Variants in NHSL1 observed in about 807,000 individuals in gnomAD.
The protein encoded by NHSL1 is NHS-like protein 1.
Under a neutral mutation model 95.0 loss-of-function variants are expected in NHSL1, and 48 were observed. That is an observed-to-expected ratio of 0.51 (90% CI 0.40 to 0.64). The LOEUF is 0.64. Ranked by LOEUF, NHSL1 falls within the 30% of genes least tolerant of loss-of-function variation. The pLI is 0.00. For missense variants in NHSL1, 1,971 were observed against 2,077.7 expected (o/e 0.95, Z 1.00); for synonymous variants, 783 against 833.9 (o/e 0.94, Z 1.05).
chr6:138,562,835 G>A (rs1165346671), intron 1 of NHSL1, among the ~76,000 whole-genome samples: 1 of 151,938 alleles, frequency 6.6e-6, no homozygotes, highest in Non-Finnish European at 1.5e-5. Context: ...GCCATAACCA[G>A]AGCAGGTTCC....
At chr6:138,691,951 T>C in intron 1 of NHSL1, 1 of 456,736 alleles carries the variant, frequency 2.2e-6, no homozygotes, top group African/African-American at 2.0e-5. Flanking sequence ...ATAGTTTTGC[T>C]TGTCGGTAAG....
chr6:138,630,289 C>T (rs1398213070), intron 1 of NHSL1, among the ~76,000 whole-genome samples: 1 of 152,038 alleles, frequency 6.6e-6, no homozygotes, highest in Non-Finnish European at 1.5e-5. Flanking sequence ...TCAAAACCAC[C>T]TTTGAATGAA....
intron 1 of NHSL1, among the ~76,000 whole-genome samples, chr6:138,610,702 GGC>G (rs1263307923): frequency 2.6e-5 from 4 of 151,874 alleles, no homozygotes; most frequent in African/African-American, 9.7e-5. Context: ...CTAGACCTGG[GGC>G]AATTGTCCAC....
chr6:138,538,245 G>A (rs1782439313), intron 1 of NHSL1, among the ~76,000 whole-genome samples: 1 of 152,174 alleles, frequency 6.6e-6, no homozygotes, highest in African/African-American at 2.4e-5. Flanking sequence ...GTGCAAATCT[G>A]TAGGAGATGG....
chr6:138,663,932 A>T (rs1266630109), intron 1 of NHSL1, among the ~76,000 whole-genome samples: 2 of 152,246 alleles, frequency 1.3e-5, no homozygotes, highest in Non-Finnish European at 2.9e-5. Flanking sequence ...ACCACAGATA[A>T]TGAGGTTACA....
intron 1 of NHSL1, among the ~76,000 whole-genome samples, chr6:138,669,459 A>C (rs1356088722): frequency 6.6e-6 from 1 of 152,182 alleles, no homozygotes; most frequent in African/African-American, 2.4e-5. Flanking sequence ...GGTAATAAGG[A>C]CTTCTGGAAG....
chr6:138,583,571 A>G (rs1241934605), intron 1 of NHSL1, among the ~76,000 whole-genome samples: 2 of 152,082 alleles, frequency 1.3e-5, no homozygotes, highest in Admixed American at 1.3e-4. Flanking sequence ...CAGACTGTAA[A>G]CCACCCAAGA....
chr6:138,662,127 A>G (rs1785235684), intron 1 of NHSL1, among the ~76,000 whole-genome samples: 1 of 147,176 alleles, frequency 6.8e-6, no homozygotes, highest in Admixed American at 7.0e-5. Flanking sequence ...ATTTAATTCT[A>G]GAGTAAGCTT....
chr6:138,546,427 C>CAAAAAAAAAAAAAAAAAAAAAAA (rs1177720465), upstream of NHSL1, among the ~76,000 whole-genome samples: 2 of 50,918 alleles, frequency 3.9e-5, no homozygotes, highest in African/African-American at 1.3e-4. Flanking sequence ...CCCATCTCTA[C>CAAAAAAAAAAAAAAAAAAAAAAA]AAAAAAAAAA....
chr6:138,690,869 T>C (rs907593120), intron 1 of NHSL1, among the ~76,000 whole-genome samples: 6 of 152,216 alleles, frequency 3.9e-5, no homozygotes, highest in African/African-American at 1.4e-4. Context: ...TATTGGGGCA[T>C]ATGTACTAAA....
At chr6:138,454,373 T>C (rs772993421) in intron 3 of NHSL1, among the ~76,000 whole-genome samples, 1 of 152,224 alleles carries the variant, frequency 6.6e-6, no homozygotes, top group Non-Finnish European at 1.5e-5. Flanking sequence ...ACATTTTTTA[T>C]TGATGGACAA....
chr6:138,542,010 A>C (rs925669881), intron 1 of NHSL1, among the ~76,000 whole-genome samples: 1 of 152,210 alleles, frequency 6.6e-6, no homozygotes, highest in Non-Finnish European at 1.5e-5. Context: ...GTCCGCTCAC[A>C]ACCCTGGAAT....
At chr6:138,607,126 C>A (rs1266106636) in intron 1 of NHSL1, among the ~76,000 whole-genome samples, 1 of 152,210 alleles carries the variant, frequency 6.6e-6, no homozygotes, top group African/African-American at 2.4e-5. Flanking sequence ...ATTATTTCCT[C>A]TTCTTTATTT....
intron 1 of NHSL1, among the ~76,000 whole-genome samples, chr6:138,613,532 G>A (rs934519527): frequency 1.3e-5 from 2 of 152,144 alleles, no homozygotes; most frequent in Non-Finnish European, 2.9e-5. Flanking sequence ...CTAAGTGTTC[G>A]ATTAGAGGAG....
intron 1 of NHSL1, among the ~76,000 whole-genome samples, chr6:138,639,569 G>A (rs1784932277): frequency 6.6e-6 from 1 of 151,544 alleles, no homozygotes; most frequent in Non-Finnish European, 1.5e-5. Context: ...ATGAACCTGG[G>A]AGGCAGAGCT....
At chr6:138,668,902 G>A (rs1269168801) in intron 1 of NHSL1, among the ~76,000 whole-genome samples, 1 of 152,150 alleles carries the variant, frequency 6.6e-6, no homozygotes, top group Non-Finnish European at 1.5e-5. Flanking sequence ...GATTACAGGT[G>A]TGAGCCACCG....
At chr6:138,441,373 A>G (rs1175824703) in intron 5 of NHSL1, among the ~76,000 whole-genome samples, 1 of 152,232 alleles carries the variant, frequency 6.6e-6, no homozygotes, top group East Asian at 1.9e-4. Context: ...AACCAGAAAC[A>G]AAATGGGTAA....
intron 1 of NHSL1, among the ~76,000 whole-genome samples, chr6:138,532,948 C>G (rs960575596): frequency 6.6e-6 from 1 of 152,150 alleles, no homozygotes; most frequent in Non-Finnish European, 1.5e-5. Flanking sequence ...ATAACCATAA[C>G]AGTTCACAGA....
At chr6:138,448,967 G>A (rs952073356) in intron 3 of NHSL1, among the ~76,000 whole-genome samples, 6 of 149,388 alleles carry the variant, frequency 4.0e-5, no homozygotes, top group Non-Finnish European at 8.9e-5. Context: ...CAGGAGAATC[G>A]CTTGAACCCA....
Sources: gnomAD v4.1 joint callset for allele counts (sites outside exome capture counted in the v4.1 genomes callset) on GRCh38, gnomAD v4.1.1 for gene constraint, MANE v1.5 for transcripts, NCBI Gene and HGNC (gene_info 2026-07-23, HGNC 2026-07-21) for gene names.